Variants in EPHA3 observed in about 807,000 individuals in gnomAD.
EPHA3 encodes EPH receptor A3, also known as ephrin type-A receptor 3.
A neutral mutation model predicts 107.1 loss-of-function variants in EPHA3; 42 were observed. The ratio of observed to expected loss-of-function variants is 0.39; its 90% CI spans 0.31 to 0.51. The LOEUF is 0.51. EPHA3 is among the 20% of genes least tolerant of loss of function. The pLI is 0.78. For missense variants in EPHA3, 1,183 were observed against 1,211.2 expected (o/e 0.98, Z 0.35); for synonymous variants, 461 against 424.8 (o/e 1.09, Z -1.05).
chr3:89,476,223 A>ATT (rs1033788703), intron 16 of EPHA3, among the ~76,000 whole-genome samples: 2 of 147,210 alleles, frequency 1.4e-5, no homozygotes, highest in Non-Finnish European at 3.0e-5. Context: ...ATATAAGCAT[A>ATT]TTATATATAT....
chr3:89,167,617 T>C (rs1345370281), intron 2 of EPHA3, among the ~76,000 whole-genome samples: 1 of 152,158 alleles, frequency 6.6e-6, no homozygotes, highest in Non-Finnish European at 1.5e-5. Flanking sequence ...TCTCTGTTTT[T>C]GTCTTAAATG....
intron 3 of EPHA3, among the ~76,000 whole-genome samples, chr3:89,232,951 C>A (rs1388590640): frequency 6.6e-6 from 1 of 152,140 alleles, no homozygotes; most frequent in African/African-American, 2.4e-5. Flanking sequence ...CATGAATAAG[C>A]AGTTTCCTTT....
At chr3:89,449,520 C>T in intron 14 of EPHA3, 146 bp downstream of exon 14, 1 of 626,492 alleles carries the variant, frequency 1.6e-6, no homozygotes, top group Non-Finnish European at 2.5e-6. Flanking sequence ...CCAAGTCTTG[C>T]AAGGATATTA....
chr3:89,396,748 T>A (rs1708858148), intron 6 of EPHA3, among the ~76,000 whole-genome samples: 1 of 152,210 alleles, frequency 6.6e-6, no homozygotes, highest in South Asian at 2.1e-4. Flanking sequence ...GTGTATCTAC[T>A]TCAGTTTATA....
At chr3:89,112,561 C>A (rs1258697142) in intron 1 of EPHA3, among the ~76,000 whole-genome samples, 3 of 150,348 alleles carry the variant, frequency 2.0e-5, no homozygotes, top group Admixed American at 6.6e-5. Context: ...TTTTAAATAT[C>A]AAATAGTTAC....
intron 3 of EPHA3, among the ~76,000 whole-genome samples, chr3:89,279,599 T>C (rs1705892001): frequency 6.6e-6 from 1 of 152,158 alleles, no homozygotes; most frequent in East Asian, 1.9e-4. Flanking sequence ...AATGTAAAAC[T>C]TTGGCTAATT....
chr3:89,244,951 C>T (rs528077550), intron 3 of EPHA3, among the ~76,000 whole-genome samples: 7 of 152,282 alleles, frequency 4.6e-5, no homozygotes, highest in South Asian at 2.1e-4. Context: ...TGAACAGTTA[C>T]GCTCTCATTA....
In EPHA3 at chr3:89,117,901, T is replaced by C. The variant is rs1417083535; in HGVS notation, c.89-9308T>C. Among the ~76,000 whole-genome samples the C allele has an allele frequency of 2.0e-5, 3 of 152,218 alleles. No homozygotes were observed. The East Asian group carries it at 5.8e-4, about 29-fold the overall frequency. On this transcript the variant is annotated intron_variant, in intron 1 of 16. Transcript: ENST00000336596. ...CCCTTGAATAAGTCACAGCTGATCA[T>C]GGTAGATTTTGCTTTTTTTACAGAA...
intron 2 of EPHA3, among the ~76,000 whole-genome samples, chr3:89,130,444 G>A (rs1704181656): frequency 1.3e-5 from 2 of 151,992 alleles, no homozygotes; most frequent in South Asian, 4.2e-4. Context: ...ATCTTTCATG[G>A]AATGCTTGTA....
In EPHA3 at chr3:89,481,297, T is replaced by C. The variant is rs1710617151; in HGVS notation, c.*1795T>C. On this transcript the variant is annotated 3_prime_UTR_variant, in exon 17 of 17. Transcript: ENST00000336596. ...GATTGTTTCTCAAATCTTGGCAATA[T>C]TCCTTAGTCAAATCAGGCTACTAGA... The C allele has an allele frequency of 4.3e-6, 1 of 232,152 alleles. No homozygotes were observed. Among genetic ancestry groups the C allele is most frequent in the African/African-American group, 2.2e-5 (1 of 45,306 alleles). 14.4% of individuals were successfully genotyped at this position (232,152 alleles called of 1,614,324 possible).
chr3:89,376,132 T>C (rs1708399678), intron 5 of EPHA3, among the ~76,000 whole-genome samples: 1 of 151,916 alleles, frequency 6.6e-6, no homozygotes, highest in Non-Finnish European at 1.5e-5. Flanking sequence ...ATTCCATACA[T>C]TATTAATTTT....
chr3:89,471,727 CTGTGTGTGTGTGTGTA>C (rs1710406761), intron 15 of EPHA3, among the ~76,000 whole-genome samples: 1 of 150,760 alleles, frequency 6.6e-6, no homozygotes, highest in Non-Finnish European at 1.5e-5. Context: ...CTCTGAGTCT[CTGTGTGTGTGTGTGTA>C]TGTGTGTGTG....
At chr3:89,312,492 A>G (rs1206679078) in intron 3 of EPHA3, among the ~76,000 whole-genome samples, 1 of 150,900 alleles carries the variant, frequency 6.6e-6, no homozygotes, top group East Asian at 1.9e-4. Flanking sequence ...ATTTTGCCTC[A>G]GTTTTTTCCG....
chr3:89,146,625 G>A (rs1704564707), intron 2 of EPHA3, among the ~76,000 whole-genome samples: 1 of 152,006 alleles, frequency 6.6e-6, no homozygotes, highest in Non-Finnish European at 1.5e-5. Context: ...TTCTTTTGCT[G>A]TACAGAAGCT....
intron 5 of EPHA3, among the ~76,000 whole-genome samples, chr3:89,384,471 ATCT>A (rs1476242140): frequency 6.6e-6 from 1 of 152,220 alleles, no homozygotes. Context: ...TAAAGATTTG[ATCT>A]TCTCCTTGTG....
chr3:89,137,045 A>G (rs1353982408), intron 2 of EPHA3, among the ~76,000 whole-genome samples: 2 of 151,990 alleles, frequency 1.3e-5, no homozygotes, highest in Admixed American at 1.3e-4. Flanking sequence ...CCAAAAATAT[A>G]CATATTATAA....
intron 15 of EPHA3, among the ~76,000 whole-genome samples, chr3:89,470,916 A>T (rs1710386680): frequency 6.6e-6 from 1 of 152,172 alleles, no homozygotes; most frequent in African/African-American, 2.4e-5. Context: ...AAGGTCCTTC[A>T]TGTCTGTGTA....
At chr3:89,219,988 G>A (rs1416775933) in intron 3 of EPHA3, among the ~76,000 whole-genome samples, 1 of 151,804 alleles carries the variant, frequency 6.6e-6, no homozygotes, top group Non-Finnish European at 1.5e-5. Context: ...GATTACAGGC[G>A]TGAGCCACCG....
chr3:89,459,981 G>A (rs1470469714), intron 15 of EPHA3, among the ~76,000 whole-genome samples: 1 of 152,054 alleles, frequency 6.6e-6, no homozygotes, highest in African/African-American at 2.4e-5. Context: ...TATTTTGAAA[G>A]ATTATAATAT....
Sources: gnomAD v4.1 joint callset for allele counts (sites outside exome capture counted in the v4.1 genomes callset) on GRCh38, gnomAD v4.1.1 for gene constraint, MANE v1.5 for transcripts, NCBI Gene and HGNC (gene_info 2026-07-23, HGNC 2026-07-21) for gene names.